ZC3H8: variants seen among roughly 807,000 people sequenced by gnomAD.
ZC3H8 encodes zinc finger CCCH domain-containing protein 8.
ZC3H8 carries 27 observed loss-of-function variants against 42.5 expected under a neutral mutation model. The ratio of observed to expected loss-of-function variants is 0.64; its 90% confidence interval spans 0.47 to 0.88. The LOEUF (loss-of-function observed/expected upper bound fraction) is 0.88, where lower values mean the gene tolerates loss of function less well. Ranked by LOEUF, ZC3H8 falls within the 40% of genes least tolerant of loss-of-function variation. The probability of loss-of-function intolerance (pLI) is 0.00; values close to 1 mark genes in which losing one functional copy is unlikely to be tolerated. For missense variants in ZC3H8, 277 were observed against 336.1 expected (o/e 0.82, Z 1.37); for synonymous variants, 101 against 110.1 (o/e 0.92, Z 0.52).
chr2:112,248,770 C>G (rs1016862681), intron 2 of ZC3H8, among the ~76,000 whole-genome samples: 2 of 152,080 alleles, frequency 1.3e-5, no homozygotes, highest in Admixed American at 1.3e-4. Flanking sequence ...TCCCAAAATT[C>G]TTATAATGAA....
chr2:112,250,728 C>A (rs1289235973), intron 1 of ZC3H8, among the ~76,000 whole-genome samples: 1 of 152,158 alleles, frequency 6.6e-6, no homozygotes, highest in Non-Finnish European at 1.5e-5. Context: ...ATGGGGAACA[C>A]AACCCAGACT....
intron 2 of ZC3H8, 138 bp downstream of exon 2, chr2:112,250,053 G>A (rs1432835933): frequency 3.7e-6 from 2 of 540,280 alleles, no homozygotes; most frequent in South Asian, 3.9e-5. Context: ...CCAAATGCTG[G>A]TAAAATGAGA....
At chr2:112,233,923 ACGT>A (rs1188741502) in intron 5 of ZC3H8, among the ~76,000 whole-genome samples, 194 bp downstream of exon 5, 2 of 152,168 alleles carry the variant, frequency 1.3e-5, no homozygotes, top group South Asian at 4.1e-4. Context: ...TGATCCACCC[ACGT>A]CGGCCTCCCA....
chr2:112,231,452 A>G (rs1685084720), intron 7 of ZC3H8, among the ~76,000 whole-genome samples: 1 of 152,208 alleles, frequency 6.6e-6, no homozygotes, highest in African/African-American at 2.4e-5. Flanking sequence ...TGAAATTACT[A>G]CTTAACTATT....
Position 112,212,891 on chromosome 2 carries a change from A to C in ZC3H8, c.*3593T>G, listed in dbSNP as rs1235243130. 1 of 150,880 alleles carries C rather than the reference A, an allele frequency of 6.6e-6. No homozygotes were observed. The highest frequency in any genetic ancestry group is 1.5e-5 in the Non-Finnish European group (1 of 67,794). 9.3% of individuals were successfully genotyped at this position (150,880 alleles called of 1,614,324 possible). On this transcript the variant is annotated 3_prime_UTR_variant, in exon 9 of 9. Transcript: ENST00000409573. ...GTCTTTGCTTATAATTGGCAGGAGGAGCCCCATGCTCTTTAGGCGCATTAC... is the reference window on the plus strand; with the variant it reads ...GTCTTTGCTTATAATTGGCAGGAGGCGCCCCATGCTCTTTAGGCGCATTAC...
intron 7 of ZC3H8, 39 bp from the exon 8 acceptor site, chr2:112,230,989 T>C: frequency 1.7e-6 from 2 of 1,167,364 alleles, no homozygotes; most frequent in Non-Finnish European, 2.3e-6. Flanking sequence ...TTTTTATGCA[T>C]TCATGTGTAA....
At chr2:112,249,128 G>A (rs914704809) in intron 2 of ZC3H8, among the ~76,000 whole-genome samples, 1 of 152,170 alleles carries the variant, frequency 6.6e-6, no homozygotes, top group African/African-American at 2.4e-5. Flanking sequence ...GAGTCCAGAA[G>A]GAGGTTGCAG....
At chr2:112,234,842 T>C (rs1480328951) in intron 4 of ZC3H8, among the ~76,000 whole-genome samples, 4 of 151,970 alleles carry the variant, frequency 2.6e-5, no homozygotes, top group Admixed American at 6.6e-5. Flanking sequence ...ATAGTATTTA[T>C]GATTAAAAAC....
intron 5 of ZC3H8, 56 bp from the exon 6 acceptor site, chr2:112,233,427 T>A (rs1449496954): frequency 8.6e-7 from 1 of 1,164,032 alleles, no homozygotes; most frequent in Non-Finnish European, 1.2e-6. Flanking sequence ...CAAGTCATTA[T>A]GATTTAATTC....
intron 2 of ZC3H8, among the ~76,000 whole-genome samples, chr2:112,245,806 T>C (rs1685741970): frequency 6.6e-6 from 1 of 152,214 alleles, no homozygotes; most frequent in African/African-American, 2.4e-5. Flanking sequence ...AAGATGCCAC[T>C]TGGGACTTTC....
At chr2:112,221,921 G>C (rs1443319978) in intron 8 of ZC3H8, among the ~76,000 whole-genome samples, 1 of 152,158 alleles carries the variant, frequency 6.6e-6, no homozygotes, top group Non-Finnish European at 1.5e-5. Context: ...CAGTCATTTG[G>C]AGGTAAGAAG....
At chr2:112,222,141 C>T (rs559194343) in intron 8 of ZC3H8, among the ~76,000 whole-genome samples, 10 of 152,088 alleles carry the variant, frequency 6.6e-5, no homozygotes, top group Non-Finnish European at 1.2e-4. Flanking sequence ...GAGGAGCCCT[C>T]TCTGATTACT....
At chr2:112,232,894 A>G (rs1045420380) in intron 6 of ZC3H8, among the ~76,000 whole-genome samples, 1 of 152,340 alleles carries the variant, frequency 6.6e-6, no homozygotes, top group East Asian at 1.9e-4. Context: ...AATACACAGA[A>G]AACAGGTACT....
chr2:112,242,719 TCAC>T (rs1459423191), intron 2 of ZC3H8, among the ~76,000 whole-genome samples: 1 of 152,342 alleles, frequency 6.6e-6, no homozygotes, highest in Non-Finnish European at 1.5e-5. Flanking sequence ...TATTAAGCAT[TCAC>T]CACAATATTC....
chr2:112,240,447 G>A (rs1428610895), intron 2 of ZC3H8: 2 of 152,206 alleles, frequency 1.3e-5, no homozygotes, highest in African/African-American at 4.8e-5. Flanking sequence ...CTCCTATGAA[G>A]TTTAGCTTAA....
chr2:112,216,201 A>T lies in ZC3H8; in HGVS notation c.*283T>A, dbSNP rs1372411599. On this transcript the variant is annotated 3_prime_UTR_variant, in exon 9 of 9. Transcript: ENST00000409573. The stretch of plus-strand genomic sequence containing the variant: ...CAATCAGAAGAGGTTTCTACAATTT[A>T]CTATCACATTTACCCACCAGCCATC... 1.3e-5 allele frequency: 2 copies of T among 152,220 alleles called. No individual in the cohort carries two copies. Among genetic ancestry groups the T allele is most frequent in the African/African-American group, 2.4e-5 (1 of 41,444 alleles). The allele number at this position is 152,220 out of a possible 1,614,324, so 9.4% of individuals were successfully genotyped here.
At chr2:112,247,181 T>C (rs1685792595) in intron 2 of ZC3H8, among the ~76,000 whole-genome samples, 2 of 152,254 alleles carry the variant, frequency 1.3e-5, no homozygotes, top group African/African-American at 4.8e-5. Flanking sequence ...CTAGCTTTAC[T>C]GCAATATTTG....
intron 8 of ZC3H8, among the ~76,000 whole-genome samples, chr2:112,220,111 T>C (rs1256603679): frequency 6.6e-6 from 1 of 152,236 alleles, no homozygotes; most frequent in African/African-American, 2.4e-5. Context: ...AGCTTTCCAG[T>C]CTGTGCCTTT....
At position 112,234,243 on chromosome 2, in the gene ZC3H8, AAAC is replaced by A. The variant is rs752790905; in HGVS notation, c.505-10_505-8del. 2 of 1,550,160 alleles carry A rather than the reference AAAC, an allele frequency of 1.3e-6. No individual in the cohort carries two copies. The highest frequency in any genetic ancestry group is 4.5e-5 in the East Asian group (2 of 44,298). Reference sequence around the variant, plus strand: ...TCTCTTTAGGTTTACCATCCTTTAAAAACAAAAACAAAAAAACTAAATGTAAGA... The same window carrying A: ...TCTCTTTAGGTTTACCATCCTTTAAAAAAAACAAAAAAACTAAATGTAAGA... On this transcript the variant is annotated splice_polypyrimidine_tract_variant and splice_region_variant and intron_variant, in intron 4 of 8. Coordinates refer to ENST00000409573, the MANE Select transcript of ZC3H8 (RefSeq NM_032494.3).
Sources: gnomAD v4.1 joint callset for allele counts (sites outside exome capture counted in the v4.1 genomes callset) on GRCh38, gnomAD v4.1.1 for gene constraint, MANE v1.5 for transcripts, NCBI Gene and HGNC (gene_info 2026-07-23, HGNC 2026-07-21) for gene names.